Variants in ARPP21 observed in about 807,000 individuals in gnomAD.
ARPP21 encodes the protein cAMP regulated phosphoprotein 21.
In ARPP21, 69 loss-of-function variants were observed where a neutral mutation model predicts 113.2. The ratio of observed to expected loss-of-function variants is 0.61; its 90% CI spans 0.50 to 0.74. The LOEUF is 0.74. ARPP21 is among the 30% of genes least tolerant of loss of function. The probability of loss-of-function intolerance (pLI) is 0.00; values close to 1 mark genes in which losing one functional copy is unlikely to be tolerated. For synonymous variants in ARPP21, 368 were observed against 375.5 expected (o/e 0.98, Z 0.23); for missense variants, 1,070 against 1,037.4 (o/e 1.03, Z -0.43).
chr3:35,687,070 T>G (rs1435006808), intron 5 of ARPP21, among the ~76,000 whole-genome samples: 3 of 151,136 alleles, frequency 2.0e-5, no homozygotes, highest in Admixed American at 2.0e-4. Flanking sequence ...AAAATATAAT[T>G]CTACTTCCTA....
Position 35,789,222 on chromosome 3 carries a change from T to G in ARPP21, c.2138-3160T>G, listed in dbSNP as rs118072233. ...AGACAAGATAAGCAGTTCTCACCAG[T>G]GCTGCCATCTCTGCCTTCGGGTGTG... On this transcript the variant is annotated intron_variant, in intron 19 of 20. Coordinates refer to ENST00000684406, the MANE Select transcript of ARPP21 (RefSeq NM_001385562.1). Among the ~76,000 whole-genome samples the G allele has an allele frequency of 1.8e-4, 27 of 152,338 alleles. No homozygotes were observed. The East Asian group carries it at 4.1e-3, about 23-fold the overall frequency.
At position 35,677,498 on chromosome 3, in the gene ARPP21, C is replaced by G. The variant is rs558873448; in HGVS notation, c.-212-2289C>G. Among the ~76,000 whole-genome samples, 126 of 152,018 alleles carry G rather than the reference C, an allele frequency of 8.3e-4. 1 individual carries two copies. Among genetic ancestry groups the G allele is most frequent in the African/African-American group, 2.2e-3 (90 of 41,532 alleles). The stretch of plus-strand genomic sequence containing the variant: ...ATATAGCAATTATTTTACTTGCTTT[C>G]TTCATGGTAAATAGTTTACAGCATT... On this transcript the variant is annotated intron_variant, in intron 1 of 20. Coordinates refer to ENST00000684406, the MANE Select transcript of ARPP21 (RefSeq NM_001385562.1).
chr3:35,700,988 C>A (rs1308888288), intron 9 of ARPP21, among the ~76,000 whole-genome samples: 1 of 151,638 alleles, frequency 6.6e-6, no homozygotes, highest in African/African-American at 2.4e-5. Context: ...AACAAGCCTG[C>A]ACGTTGTGCA....
In ARPP21 at chr3:35,688,518, T is replaced by C. The variant is rs182172030; in HGVS notation, c.406+635T>C. 2.5e-3 allele frequency among the ~76,000 whole-genome samples: 386 copies of C among 151,732 alleles called. 1 individual carries two copies. Among genetic ancestry groups the C allele is most frequent in the Non-Finnish European group, 3.2e-3 (219 of 67,718 alleles). On this transcript the variant is annotated intron_variant, in intron 6 of 20. Transcript: ENST00000684406. The stretch of plus-strand genomic sequence containing the variant: ...GTCCAAATTTTTGCCATACCTATCA[T>C]GGTACAAAACAAAACTAAGTTGAAA...
intron 1 of ARPP21, among the ~76,000 whole-genome samples, chr3:35,653,364 C>G (rs1048816676): frequency 6.6e-6 from 1 of 151,994 alleles, no homozygotes; most frequent in Non-Finnish European, 1.5e-5. Context: ...ATTCAATTAT[C>G]TCATCTGGGT....
At chr3:35,685,110 C>T (rs573247651) in intron 5 of ARPP21, 1 of 985,436 alleles carries the variant, frequency 1.0e-6, no homozygotes, top group Non-Finnish European at 1.2e-6. Flanking sequence ...AGTTGTCCCC[C>T]ACTCCTAATG....
intron 2 of ARPP21, chr3:35,681,104 G>A (rs545417415): frequency 6.6e-6 from 1 of 151,832 alleles, no homozygotes; most frequent in Non-Finnish European, 1.5e-5. Flanking sequence ...TCGGGAGCTT[G>A]GGAGAGGGCT....
chr3:35,737,582 G>T (rs1229875160), intron 16 of ARPP21, among the ~76,000 whole-genome samples: 1 of 152,214 alleles, frequency 6.6e-6, no homozygotes, highest in Non-Finnish European at 1.5e-5. Flanking sequence ...CAAGTTGAAG[G>T]CATGAAAGTA....
chr3:35,741,007 T>G (rs2150797723), intron 18 of ARPP21, among the ~76,000 whole-genome samples: 1 of 151,470 alleles, frequency 6.6e-6, no homozygotes, highest in South Asian at 2.1e-4. Context: ...GAGGCTGAGG[T>G]GGGAGAATCG....
rs950224281 is a variant in ARPP21 at position 35,737,460 on chromosome 3, A to G, written c.1644+98A>G. On this transcript the variant is annotated intron_variant, in intron 16 of 20. Transcript: ENST00000684406. ...AGAATCAGGGAGAAGCGTATATTTTACACTCAAGCCTCACAAATAAAACCT... is the reference window on the plus strand; with the variant it reads ...AGAATCAGGGAGAAGCGTATATTTTGCACTCAAGCCTCACAAATAAAACCT... 71 of 756,458 alleles carry G rather than the reference A, an allele frequency of 9.4e-5. No individual in the cohort carries two copies. The African/African-American group carries it at 1.1e-3, about 11-fold the overall frequency. The allele number at this position is 756,458 out of a possible 1,614,324, so 46.9% of individuals were successfully genotyped here. A position where few individuals can be genotyped will look rare whatever the true frequency, so the allele number is the denominator to read the frequency against.
chr3:35,747,619 A>G (rs917995582), intron 19 of ARPP21, among the ~76,000 whole-genome samples: 1 of 152,142 alleles, frequency 6.6e-6, no homozygotes, highest in African/African-American at 2.4e-5. Flanking sequence ...TTATCAGGAT[A>G]GGTGCACGGC....
At chr3:35,689,491 C>T (rs1345370961) in intron 7 of ARPP21, 106 bp downstream of exon 7, 6 of 655,890 alleles carry the variant, frequency 9.1e-6, no homozygotes, top group South Asian at 9.1e-5. Context: ...AATGCAGATA[C>T]CTTCCCTGAC....
At chr3:35,744,101 T>C (rs1576527136) in intron 19 of ARPP21, 136 bp downstream of exon 19, 2 of 898,772 alleles carry the variant, frequency 2.2e-6, no homozygotes, top group Non-Finnish European at 1.7e-6. Flanking sequence ...TAACAAAGCA[T>C]TTGATTGACT....
rs768381989 is a variant in ARPP21 at position 35,794,007 on chromosome 3, T to C, written c.*49T>C. ...TTCAGATATTTCTCATGGCCTTTGA[T>C]GGAAGAGGAACAAGGTGGGAAAACT... On this transcript the variant is annotated 3_prime_UTR_variant, in exon 21 of 21. Coordinates refer to ENST00000684406, the MANE Select transcript of ARPP21 (RefSeq NM_001385562.1). The C allele has an allele frequency of 1.5e-5, 24 of 1,549,140 alleles. No homozygotes were observed. In the Admixed American group the frequency reaches 3.2e-4, roughly 21 times the overall value.
At chr3:35,779,201 G>T (rs963234533) in intron 19 of ARPP21, among the ~76,000 whole-genome samples, 16 of 152,086 alleles carry the variant, frequency 1.1e-4, no homozygotes, top group African/African-American at 3.9e-4. Flanking sequence ...GTATTCTCCG[G>T]GTTCCTAGTA....
chr3:35,748,299 G>A (rs867483956), intron 19 of ARPP21, among the ~76,000 whole-genome samples: 36 of 116,962 alleles, frequency 3.1e-4, no homozygotes, highest in Admixed American at 2.7e-3. Context: ...AGGAAGGAAG[G>A]AAGAAAGAAA....
intron 10 of ARPP21, 52 bp from the exon 11 acceptor site, chr3:35,708,917 A>T: frequency 7.7e-7 from 1 of 1,291,700 alleles, no homozygotes; most frequent in Non-Finnish European, 1.1e-6. Flanking sequence ...TTAACCACAG[A>T]TTTCTAACAA....
At chr3:35,735,520 C>T (rs933704767) in intron 15 of ARPP21, among the ~76,000 whole-genome samples, 2 of 152,198 alleles carry the variant, frequency 1.3e-5, no homozygotes, top group Admixed American at 1.3e-4. Context: ...TGCCATCACA[C>T]GCTTCTTACC....
Position 35,737,281 on chromosome 3 carries a change from AC to A in ARPP21, c.1565del (p.Pro522HisfsTer62). The A allele has an allele frequency of 6.2e-7, 1 of 1,612,420 alleles. No individual in the cohort carries two copies. The highest frequency in any genetic ancestry group is 2.2e-5 in the East Asian group (1 of 44,826). ...AMVGQSQQQP[P>X]QQQPSPQPQQ... Reference sequence around the variant, plus strand: ...TGGTGGGGCAGTCCCAACAGCAGCCACCACAGCAGCAGCCCTCCCCGCAGCC... The same window carrying A: ...TGGTGGGGCAGTCCCAACAGCAGCCACACAGCAGCAGCCCTCCCCGCAGCC... On this transcript the variant is annotated frameshift_variant, in exon 16 of 21. Coordinates refer to ENST00000684406, the MANE Select transcript of ARPP21 (RefSeq NM_001385562.1). LOFTEE classifies it high-confidence loss of function.
Sources: allele counts gnomAD v4.1 joint callset (sites outside exome capture counted in the v4.1 genomes callset), GRCh38; gene constraint gnomAD v4.1.1; transcripts MANE v1.5; gene names NCBI Gene and HGNC (gene_info 2026-07-23, HGNC 2026-07-21).